The following USP54 variants were observed in gnomAD, a reference collection of about 807,000 sequenced individuals.
USP54 encodes the protein ubiquitin specific peptidase 54.
USP54 carries 87 observed loss-of-function variants against 170.5 expected under a neutral mutation model. The observed-to-expected ratio is 0.51, with a 90% CI of 0.43 to 0.61. USP54 has a LOEUF of 0.61. Among genes scored for constraint, USP54 ranks in the 20% least tolerant of loss-of-function variants. The pLI is 0.00. For synonymous variants in USP54, 655 were observed against 742.8 expected, an observed-to-expected ratio of 0.88 and a Z score of 1.92; for missense variants, 1,786 against 2,047.8, an observed-to-expected ratio of 0.87 and a Z score of 2.47.
chr10:73,548,705 A>G (rs1184713971), intron 4 of USP54, among the ~76,000 whole-genome samples: 1 of 152,124 alleles, frequency 6.6e-6, no homozygotes, highest in African/African-American at 2.4e-5. Flanking sequence ...CAGGGCAGGG[A>G]ACATCATACA....
At chr10:73,545,450 G>A in intron 5 of USP54, 88 bp downstream of exon 5, 2 of 1,534,328 alleles carry the variant, frequency 1.3e-6, no homozygotes, top group East Asian at 2.3e-5. Context: ...TAAGGGCACA[G>A]CAAATTCCAC....
intron 1 of USP54, among the ~76,000 whole-genome samples, chr10:73,609,986 G>A (rs2080003485): frequency 1.3e-5 from 2 of 151,262 alleles, no homozygotes; most frequent in South Asian, 4.2e-4. Flanking sequence ...CTCCAGCCTT[G>A]GTGATAGAGC....
At chr10:73,594,431 G>A (rs1056159521), upstream of USP54, among the ~76,000 whole-genome samples, 1 of 151,812 alleles carries the variant, frequency 6.6e-6, no homozygotes, top group African/African-American at 2.4e-5. Context: ...TAAGAGACAG[G>A]TTCTTCCTCT....
At chr10:73,606,038 C>T (rs923224807) in intron 1 of USP54, among the ~76,000 whole-genome samples, 6 of 151,468 alleles carry the variant, frequency 4.0e-5, no homozygotes, top group African/African-American at 9.7e-5. Flanking sequence ...ATTAGCCAGG[C>T]GTGGTGGTAC....
At chr10:73,532,363 G>A (rs1447525312) in intron 12 of USP54, among the ~76,000 whole-genome samples, 1 of 151,982 alleles carries the variant, frequency 6.6e-6, no homozygotes, top group Non-Finnish European at 1.5e-5. Context: ...TTTTAGTAGA[G>A]ACGGGGTTTC....
At chr10:73,595,994 C>T (rs181393145), upstream of USP54, among the ~76,000 whole-genome samples, 3 of 151,774 alleles carry the variant, frequency 2.0e-5, no homozygotes, top group African/African-American at 7.3e-5. Context: ...GCCTGTAATC[C>T]CAGCTACTCA....
At chr10:73,508,960 C>T (rs1278170756) in intron 20 of USP54, among the ~76,000 whole-genome samples, 14 of 149,992 alleles carry the variant, frequency 9.3e-5, no homozygotes, top group Admixed American at 6.0e-4. Flanking sequence ...CCAGTGCACC[C>T]GGCCAGAACA....
At chr10:73,600,523 T>C (rs2079083126) in intron 1 of USP54, among the ~76,000 whole-genome samples, 1 of 152,176 alleles carries the variant, frequency 6.6e-6, no homozygotes, top group South Asian at 2.1e-4. Context: ...TCTGTATAAA[T>C]CTAGAATTAT....
In USP54 at chr10:73,607,830, C is replaced by CAAA. The variant is rs770614076; in HGVS notation, c.-18+17734_-18+17736dup. Among the ~76,000 whole-genome samples the CAAA allele has an allele frequency of 2.1e-3, 124 of 59,510 alleles. 1 individual carries two copies. Among genetic ancestry groups the CAAA allele is most frequent in the Middle Eastern group, 0.02 (2 of 98 alleles). 39.0% of individuals were successfully genotyped at this position (59,510 alleles called of 152,430 possible). Reference sequence around the variant, plus strand: ...TGGGAGACAGAGCAAGACTCCGTCTCAAAAAAAAAAAAAAAAAGAAAACTA... The same window carrying CAAA: ...TGGGAGACAGAGCAAGACTCCGTCTCAAAAAAAAAAAAAAAAAAAAGAAAACTA... On this transcript the variant is annotated intron_variant, in intron 1 of 22. Coordinates refer to the USP54 transcript ENST00000339859.
chr10:73,556,633 C>G (rs558908565), intron 4 of USP54, among the ~76,000 whole-genome samples: 1 of 152,230 alleles, frequency 6.6e-6, no homozygotes, highest in East Asian at 1.9e-4. Context: ...CATGAGCCAC[C>G]GCGCCCGGGC....
At chr10:73,607,696 G>T (rs926606973) in intron 1 of USP54, among the ~76,000 whole-genome samples, 1 of 151,940 alleles carries the variant, frequency 6.6e-6, no homozygotes, top group Non-Finnish European at 1.5e-5. Flanking sequence ...CCCAGGGATG[G>T]TGGCATGCAC....
At chr10:73,603,181 G>A (rs1157907773) in intron 1 of USP54, among the ~76,000 whole-genome samples, 1 of 152,184 alleles carries the variant, frequency 6.6e-6, no homozygotes, top group Non-Finnish European at 1.5e-5. Context: ...TACCTTTGGT[G>A]AGGGACTTGT....
At chr10:73,623,885 T>C (rs1368651328) in intron 1 of USP54, among the ~76,000 whole-genome samples, 2 of 152,060 alleles carry the variant, frequency 1.3e-5, no homozygotes, top group African/African-American at 4.8e-5. Flanking sequence ...TCTCAATAAA[T>C]ATTAAGTGGC....
At chr10:73,545,758 A>G (rs891070568) in intron 4 of USP54, 86 bp from the exon 5 acceptor site, 8 of 1,464,866 alleles carry the variant, frequency 5.5e-6, no homozygotes, top group Non-Finnish European at 7.4e-6. Context: ...TAGCATCTCC[A>G]TGATGATAGC....
At chr10:73,543,207 C>T in intron 5 of USP54, 76 bp from the exon 6 acceptor site, 1 of 1,017,630 alleles carries the variant, frequency 9.8e-7, no homozygotes, top group Non-Finnish European at 1.5e-6. Flanking sequence ...GCAGCTTACC[C>T]ATAGAAACAG....
At chr10:73,554,108 T>C (rs1026691303) in intron 4 of USP54, among the ~76,000 whole-genome samples, 1 of 152,232 alleles carries the variant, frequency 6.6e-6, no homozygotes, top group African/African-American at 2.4e-5. Flanking sequence ...CAGCTGTTTT[T>C]TTCTCTCTCA....
At chr10:73,594,395 T>C (rs558134279), upstream of USP54, among the ~76,000 whole-genome samples, 2 of 151,014 alleles carry the variant, frequency 1.3e-5, no homozygotes, top group Admixed American at 6.6e-5. Flanking sequence ...GATTTTAGAA[T>C]GTAGTGACAA....
rs1171072542 is a variant in USP54 at position 73,519,850 on chromosome 10, C to T, written c.2625G>A (p.Ser875=). Residue 875 remains serine (S), a synonymous_variant, in exon 19 of 24, where the codon TCG becomes TCA. Transcript: ENST00000687698. ...MQQQQSPQQP[S]QPSACLPTQA... ...GTGTTGGGAGGCAGGCTGAGGGCTG[C>T]GACGGCTGCTGTGGTGATTGCTGCT... The T allele has an allele frequency of 3.7e-6, 6 of 1,614,094 alleles. No individual in the cohort carries two copies. Among genetic ancestry groups the T allele is most frequent in the Admixed American group, 3.3e-5 (2 of 60,008 alleles).
At chr10:73,553,765 T>C (rs976083591) in intron 4 of USP54, among the ~76,000 whole-genome samples, 1 of 152,222 alleles carries the variant, frequency 6.6e-6, no homozygotes, top group African/African-American at 2.4e-5. Context: ...AGTTTCTCTC[T>C]GCTCTTCTTC....
Sources: allele counts gnomAD v4.1 joint callset (sites outside exome capture counted in the v4.1 genomes callset), GRCh38; gene constraint gnomAD v4.1.1; transcripts MANE v1.5; gene names NCBI Gene and HGNC (gene_info 2026-07-23, HGNC 2026-07-21).